TMEFF2: variants seen among roughly 807,000 people sequenced by gnomAD.
TMEFF2 encodes transmembrane protein with EGF like and two follistatin like domains 2.
In TMEFF2, 28 loss-of-function variants were observed where a neutral mutation model predicts 53.8. That is an observed-to-expected ratio of 0.52 (90% CI 0.39 to 0.71). TMEFF2 has a LOEUF of 0.71. Among genes scored for constraint, TMEFF2 ranks in the 30% least tolerant of loss-of-function variants. The probability of loss-of-function intolerance (pLI) is 0.00; values close to 1 mark genes in which losing one functional copy is unlikely to be tolerated. For missense variants in TMEFF2, 353 were observed against 455.2 expected (o/e 0.78, Z 2.04); for synonymous variants, 162 against 166.3 (o/e 0.97, Z 0.20).
intron 4 of TMEFF2, among the ~76,000 whole-genome samples, chr2:192,169,597 G>A (rs551688203): frequency 6.6e-6 from 1 of 152,214 alleles, no homozygotes; most frequent in Non-Finnish European, 1.5e-5. Flanking sequence ...TTCTGACTGT[G>A]CAAGTAAGAA....
rs574302555 is a variant in TMEFF2 at position 192,184,570 on chromosome 2, G to T, written c.283-87C>A. ...TGAACAGAAATAATCATTTACAAAA[G>T]AAACCACTTGTCTTCATTTTCAATG... On this transcript the variant is annotated intron_variant, in intron 2 of 9. Coordinates refer to ENST00000272771, the MANE Select transcript of TMEFF2 (RefSeq NM_016192.4). The T allele has an allele frequency of 3.3e-5, 49 of 1,492,452 alleles. No homozygotes were observed. In the African/African-American group the frequency reaches 6.1e-4, roughly 19 times the overall value. 92.5% of individuals were successfully genotyped at this position (1,492,452 alleles called of 1,614,324 possible).
chr2:192,057,025 C>A (rs997498773), intron 5 of TMEFF2, among the ~76,000 whole-genome samples: 1 of 152,102 alleles, frequency 6.6e-6, no homozygotes, highest in Non-Finnish European at 1.5e-5. Context: ...TAAGTCTGAT[C>A]ATCTATTGCT....
chr2:192,055,002 C>T (rs930452596), intron 5 of TMEFF2, among the ~76,000 whole-genome samples: 9 of 148,298 alleles, frequency 6.1e-5, no homozygotes, highest in Admixed American at 2.7e-4. Flanking sequence ...AGCTATACCA[C>T]TTAAAGAATA....
chr2:191,963,806 TAAGAC>T (rs1220099106), intron 7 of TMEFF2, among the ~76,000 whole-genome samples: 1 of 152,230 alleles, frequency 6.6e-6, no homozygotes, highest in Non-Finnish European at 1.5e-5. Context: ...AACTGATTCT[TAAGAC>T]AAGATGATAG....
chr2:192,069,602 C>T (rs370239844), intron 4 of TMEFF2, among the ~76,000 whole-genome samples: 9 of 151,758 alleles, frequency 5.9e-5, no homozygotes, highest in Admixed American at 4.6e-4. Flanking sequence ...TTGAACTAAT[C>T]AATATGTCTG....
intron 2 of TMEFF2, among the ~76,000 whole-genome samples, chr2:192,190,170 C>A (rs1317225261): frequency 1.3e-5 from 2 of 151,988 alleles, no homozygotes; most frequent in African/African-American, 2.4e-5. Context: ...TATTTATTTT[C>A]ATTTCGTAGC....
intron 7 of TMEFF2, among the ~76,000 whole-genome samples, chr2:191,996,907 G>A (rs1686235713): frequency 6.6e-6 from 1 of 151,808 alleles, no homozygotes; most frequent in African/African-American, 2.4e-5. Context: ...ATGAGTACTT[G>A]TGGGTTCAGT....
intron 4 of TMEFF2, among the ~76,000 whole-genome samples, chr2:192,096,670 C>CTTT (rs1179296312): frequency 1.9e-4 from 10 of 53,686 alleles, no homozygotes; most frequent in African/African-American, 1.2e-3. Context: ...CTCTCTCTCT[C>CTTT]TTTTTTTTTT....
chr2:192,176,096 C>G (rs916355139), intron 4 of TMEFF2, among the ~76,000 whole-genome samples: 1 of 151,246 alleles, frequency 6.6e-6, no homozygotes, highest in Non-Finnish European at 1.5e-5. Flanking sequence ...AGGTTATTAT[C>G]CCTCCTACAC....
chr2:191,992,676 TA>T (rs1051169446), intron 7 of TMEFF2: 1 of 152,124 alleles, frequency 6.6e-6, no homozygotes, highest in Admixed American at 6.6e-5. Flanking sequence ...TGTTTATTTT[TA>T]TTTTTTTATT....
chr2:191,980,558 T>G (rs1685830883), intron 7 of TMEFF2, among the ~76,000 whole-genome samples: 1 of 152,162 alleles, frequency 6.6e-6, no homozygotes, highest in African/African-American at 2.4e-5. Flanking sequence ...TCCATCTGCT[T>G]CCAGGGCTTC....
At chr2:192,124,791 A>G (rs746141607) in intron 4 of TMEFF2, among the ~76,000 whole-genome samples, 3 of 152,172 alleles carry the variant, frequency 2.0e-5, no homozygotes, top group Non-Finnish European at 4.4e-5. Flanking sequence ...ACTAAGAGGA[A>G]ACATTCTTCC....
chr2:192,141,447 C>T lies in TMEFF2; in HGVS notation c.439+38221G>A, dbSNP rs1690135920. Among the ~76,000 whole-genome samples, 3 of 135,608 alleles carry T rather than the reference C, an allele frequency of 2.2e-5. No individual in the cohort carries two copies. The South Asian group carries it at 7.0e-4, about 32-fold the overall frequency. 89.0% of individuals were successfully genotyped at this position (135,608 alleles called of 152,430 possible). ...CAGGCTGGGCGACAGAGTGAGACTC[C>T]GTCTCAAAAAAGAAAAAAAAAAAAA... On this transcript the variant is annotated intron_variant, in intron 4 of 9. Transcript: ENST00000272771.
chr2:192,092,201 T>C (rs539311755), intron 4 of TMEFF2, among the ~76,000 whole-genome samples: 3 of 152,204 alleles, frequency 2.0e-5, no homozygotes, highest in Non-Finnish European at 4.4e-5. Context: ...GGAAAAAAAA[T>C]GGAATCACAA....
chr2:192,069,077 C>G (rs1248260699), intron 4 of TMEFF2, among the ~76,000 whole-genome samples: 1 of 151,342 alleles, frequency 6.6e-6, no homozygotes, highest in Non-Finnish European at 1.5e-5. Flanking sequence ...CTAGATCCAG[C>G]TACATACCTT....
intron 5 of TMEFF2, among the ~76,000 whole-genome samples, chr2:192,037,545 T>G (rs1687350162): frequency 1.3e-5 from 2 of 151,280 alleles, no homozygotes; most frequent in South Asian, 2.1e-4. Context: ...ATTGGCACCA[T>G]CTTCTCTGAC....
chr2:192,017,479 T>C (rs1686768119), intron 5 of TMEFF2, among the ~76,000 whole-genome samples: 1 of 152,184 alleles, frequency 6.6e-6, no homozygotes, highest in Non-Finnish European at 1.5e-5. Flanking sequence ...TGTGGAGGCC[T>C]GGATTAACTA....
chr2:192,028,693 T>G (rs1371681145), intron 5 of TMEFF2: 2 of 152,094 alleles, frequency 1.3e-5, no homozygotes, highest in Non-Finnish European at 2.9e-5. Context: ...ATAAAAACAG[T>G]TAAATTCGTT....
At chr2:192,033,994 T>C (rs1687212257) in intron 5 of TMEFF2, among the ~76,000 whole-genome samples, 1 of 152,008 alleles carries the variant, frequency 6.6e-6, no homozygotes, top group Non-Finnish European at 1.5e-5. Flanking sequence ...GCTAACATGG[T>C]GAAACCCCAT....
Sources: allele counts gnomAD v4.1 joint callset (sites outside exome capture counted in the v4.1 genomes callset), GRCh38; gene constraint gnomAD v4.1.1; transcripts MANE v1.5; gene names NCBI Gene and HGNC (gene_info 2026-07-23, HGNC 2026-07-21).